The following CDC5L variants were observed in gnomAD, a reference collection of about 807,000 sequenced individuals.
The protein encoded by CDC5L is cell division cycle 5 like, also known as cell division cycle 5-like protein.
Under a neutral mutation model 104.1 loss-of-function variants are expected in CDC5L, and 18 were observed. The observed-to-expected ratio is 0.17, with a 90% CI of 0.12 to 0.26. The LOEUF (loss-of-function observed/expected upper bound fraction) is 0.26, where lower values mean the gene tolerates loss of function less well. CDC5L is among the 10% of genes least tolerant of loss of function. CDC5L has a pLI of 1.00. For synonymous variants in CDC5L, 331 were observed against 322.7 expected (o/e 1.03, Z -0.28); for missense variants, 673 against 956.9 (o/e 0.70, Z 3.91).
chr6:44,388,280 C>T (rs1186085036), intron 1 of CDC5L, among the ~76,000 whole-genome samples: 1 of 151,832 alleles, frequency 6.6e-6, no homozygotes, highest in Non-Finnish European at 1.5e-5. Flanking sequence ...AAGAAGTTGC[C>T]GTGGCCACAA....
At chr6:44,444,211 A>G (rs1296018) in intron 14 of CDC5L, among the ~76,000 whole-genome samples, 47,047 of 151,926 alleles carry the variant, frequency 0.31, 9,570 homozygotes, top group East Asian at 0.74. Context: ...ACACTAAGCC[A>G]TCTCTGTGGC....
chr6:44,442,375 T>TTGTGTGTGTGTGTGTGTG (rs149528659), intron 14 of CDC5L, among the ~76,000 whole-genome samples: 2 of 145,022 alleles, frequency 1.4e-5, no homozygotes, highest in African/African-American at 2.5e-5. Context: ...TGTGTGTATG[T>TTGTGTGTGTGTGTGTGTG]TGTGTGTGTG....
At position 44,425,465 on chromosome 6, in the gene CDC5L, G is replaced by A. The variant is rs548299753; in HGVS notation, c.1570-638G>A. Among the ~76,000 whole-genome samples the A allele has an allele frequency of 5.9e-5, 9 of 152,228 alleles. 1 individual carries two copies. The South Asian group carries it at 1.9e-3, about 32-fold the overall frequency. ...AAGTGGTGAATCCTAAACTAGAACT[G>A]ATATTTTATGACCCCTTTCAGTAGC... On this transcript the variant is annotated intron_variant, in intron 11 of 15. Coordinates refer to ENST00000371477, the MANE Select transcript of CDC5L (RefSeq NM_001253.4).
At chr6:44,422,500 C>T (rs1016759728) in intron 9 of CDC5L, 147 bp from the exon 10 acceptor site, 45 of 575,178 alleles carry the variant, frequency 7.8e-5, no homozygotes, top group Non-Finnish European at 1.3e-4. Context: ...ACCTAGAGAT[C>T]CTAACAAAAC....
intron 9 of CDC5L, among the ~76,000 whole-genome samples, chr6:44,420,177 G>C (rs1347016037): frequency 2.0e-5 from 3 of 152,110 alleles, no homozygotes; most frequent in South Asian, 4.1e-4. Flanking sequence ...AGTCATTTAT[G>C]TTACATTTTA....
At chr6:44,417,104 CAGA>C (rs1791942790) in intron 8 of CDC5L, among the ~76,000 whole-genome samples, 1 of 152,138 alleles carries the variant, frequency 6.6e-6, no homozygotes, top group East Asian at 1.9e-4. Context: ...AGACAGGGCA[CAGA>C]AGGAGTGGTT....
chr6:44,426,854 G>T, intron 13 of CDC5L, 130 bp downstream of exon 13: 4 of 856,310 alleles, frequency 4.7e-6, no homozygotes, highest in Non-Finnish European at 7.3e-6. Context: ...ATTAGGAGAT[G>T]CATGTTTAGA....
intron 4 of CDC5L, among the ~76,000 whole-genome samples, chr6:44,394,185 T>C (rs563166530): frequency 7.9e-5 from 12 of 152,074 alleles, no homozygotes; most frequent in African/African-American, 2.7e-4. Context: ...AGCCCAGGAG[T>C]TGGAGGCCAG....
intron 8 of CDC5L, among the ~76,000 whole-genome samples, chr6:44,411,601 T>TGAGAGAGAGAGAGAGAGAGA: frequency 8.3e-6 from 1 of 120,396 alleles, no homozygotes; most frequent in Middle Eastern, 4.2e-3. Flanking sequence ...GTAAATCCTG[T>TGAGAGAGAGAGAGAGAGAGA]GAGAGACAGA....
At position 44,419,362 on chromosome 6, in the gene CDC5L, C is replaced by T. The variant is rs1237349749; in HGVS notation, c.1093-87C>T. 2.2e-5 allele frequency: 27 copies of T among 1,245,400 alleles called. No homozygotes were observed. The East Asian group carries it at 6.1e-4, about 28-fold the overall frequency. The allele number at this position is 1,245,400 out of a possible 1,614,324, so 77.1% of individuals were successfully genotyped here. On this transcript the variant is annotated intron_variant, in intron 8 of 15. Transcript: ENST00000371477. The stretch of plus-strand genomic sequence containing the variant: ...AGAAAATGAGTAAGGATTCTGCCTG[C>T]TTCAAGATTGGTATAGTAGGACCAG...
chr6:44,398,349 G>A (rs1309384740), intron 5 of CDC5L, among the ~76,000 whole-genome samples: 3 of 152,132 alleles, frequency 2.0e-5, no homozygotes, highest in East Asian at 1.9e-4. Context: ...CCCTTTAACC[G>A]TGTGGATTGG....
In CDC5L at chr6:44,392,971, A is replaced by G; in HGVS notation, c.311+143A>G. On this transcript the variant is annotated intron_variant, in intron 3 of 15. Coordinates refer to ENST00000371477, the MANE Select transcript of CDC5L (RefSeq NM_001253.4). ...CTAAAGCCATTGGATAATATTTTCC[A>G]TATCTCAGATGGTTGATCAAAATTA... The G allele has an allele frequency of 4.8e-6, 3 of 626,586 alleles. No homozygotes were observed. The East Asian group carries it at 8.4e-5, about 17-fold the overall frequency. 38.8% of individuals were successfully genotyped at this position (626,586 alleles called of 1,614,324 possible). A position where few individuals can be genotyped will look rare whatever the true frequency, so the allele number is the denominator to read the frequency against.
chr6:44,393,164 G>GTTTTTTTTTTTTT (rs773786751), intron 3 of CDC5L, among the ~76,000 whole-genome samples: 2 of 107,218 alleles, frequency 1.9e-5, no homozygotes, highest in Non-Finnish European at 3.8e-5. Flanking sequence ...TTTACTAATA[G>GTTTTTTTTTTTTT]TTTTTTTTTT....
chr6:44,397,282 A>G (rs1400582174), intron 5 of CDC5L, among the ~76,000 whole-genome samples: 1 of 152,236 alleles, frequency 6.6e-6, no homozygotes, highest in Non-Finnish European at 1.5e-5. Context: ...GACCAAATAC[A>G]TTATTTCACA....
intron 8 of CDC5L, among the ~76,000 whole-genome samples, chr6:44,408,914 A>G (rs1453115509): frequency 6.6e-6 from 1 of 152,110 alleles, no homozygotes; most frequent in African/African-American, 2.4e-5. Context: ...TAGTTTTGTA[A>G]AATTTCACAT....
At chr6:44,445,890 TG>T (rs775586477) in intron 15 of CDC5L, 23 bp downstream of exon 15, 3 of 1,558,416 alleles carry the variant, frequency 1.9e-6, no homozygotes, top group Non-Finnish European at 2.7e-6. Context: ...ATTGAACTGT[TG>T]TTTAAAAAGA....
chr6:44,391,076 A>ATTATATATTAAACATATTTAATATG lies in CDC5L; in HGVS notation c.149+720_149+721insATTTAATATGTTATATATTAAACAT, dbSNP rs57074178. On this transcript the variant is annotated intron_variant, in intron 2 of 15. Transcript: ENST00000371477. ...ATTAAACATATTTAATATGTTATAT[A>ATTATATATTAAACATATTTAATATG]TTATATATTAAACATTTAATATGTT... 2.9e-5 allele frequency among the ~76,000 whole-genome samples: 3 copies of ATTATATATTAAACATATTTAATATG among 104,418 alleles called. 1 individual carries two copies. The highest frequency in any genetic ancestry group is 9.4e-5 in the Admixed American group (1 of 10,592). 68.5% of individuals were successfully genotyped at this position (104,418 alleles called of 152,430 possible). A position where few individuals can be genotyped will look rare whatever the true frequency, so the allele number is the denominator to read the frequency against.
intron 14 of CDC5L, chr6:44,435,744 C>G (rs1792903836): frequency 2.0e-5 from 3 of 151,430 alleles, no homozygotes; most frequent in African/African-American, 7.3e-5. Context: ...CTCTCTGGGT[C>G]TCACATTTCC....
Position 44,446,778 on chromosome 6 carries a change from T to G in CDC5L, c.*67T>G. On this transcript the variant is annotated 3_prime_UTR_variant, in exon 16 of 16. Coordinates refer to ENST00000371477, the MANE Select transcript of CDC5L (RefSeq NM_001253.4). Reference sequence around the variant, plus strand: ...TTTTCATACTCTAGAAGGCTGAAACTGATGTTTATCTTCATTGACAAATTT... The same window carrying G: ...TTTTCATACTCTAGAAGGCTGAAACGGATGTTTATCTTCATTGACAAATTT... The G allele has an allele frequency of 1.3e-6, 1 of 762,010 alleles. No individual in the cohort carries two copies. Among genetic ancestry groups the G allele is most frequent in the Non-Finnish European group, 2.2e-6 (1 of 460,824 alleles). The allele number at this position is 762,010 out of a possible 1,614,324, so 47.2% of individuals were successfully genotyped here.
Sources: allele counts gnomAD v4.1 joint callset (sites outside exome capture counted in the v4.1 genomes callset), GRCh38; gene constraint gnomAD v4.1.1; transcripts MANE v1.5; gene names NCBI Gene and HGNC (gene_info 2026-07-23, HGNC 2026-07-21).